Variants in GSK3A observed in about 807,000 individuals in gnomAD.
GSK3A encodes glycogen synthase kinase-3 alpha.
GSK3A carries 14 observed loss-of-function variants against 56.6 expected under a neutral mutation model. That is an observed-to-expected ratio of 0.25 (90% CI 0.16 to 0.39). GSK3A has a LOEUF of 0.39. Among genes scored for constraint, GSK3A ranks in the 10% least tolerant of loss-of-function variants. GSK3A has a pLI of 1.00. For synonymous variants in GSK3A, 301 were observed against 285.0 expected (o/e 1.06, Z -0.56); for missense variants, 450 against 656.0 (o/e 0.69, Z 3.43).
Position 42,232,134 on chromosome 19 carries a change from G to T in GSK3A, c.1301C>A (p.Pro434Gln). 1 of 1,602,218 alleles carries T rather than the reference G, an allele frequency of 6.2e-7. No individual in the cohort carries two copies. Among genetic ancestry groups the T allele is most frequent in the Non-Finnish European group, 8.5e-7 (1 of 1,169,782 alleles). The change falls in exon 10 of 11, where the codon CCG (proline) becomes CAG (glutamine). Residue 434 changes from proline (P) to glutamine (Q), a missense_variant. By Grantham distance (76) the Pro-to-Gln change is moderately conservative. Coordinates refer to ENST00000222330, the MANE Select transcript of GSK3A (RefSeq NM_019884.3). The stretch of plus-strand genomic sequence containing the variant: ...AGGGATGAGAATGGCGTTGAGAGAC[G>T]GTTGGATGGAGAGTTCTAGAAACAG... ...NFSAGELSIQ[P>Q]SLNAILIPPH...
At chr19:42,239,756 C>T (rs1364109343) in intron 2 of GSK3A, among the ~76,000 whole-genome samples, 199 bp downstream of exon 2, 2 of 152,200 alleles carry the variant, frequency 1.3e-5, no homozygotes, top group African/African-American at 2.4e-5. Flanking sequence ...TAAGCACTTA[C>T]ATTGAGCAAA....
chr19:42,230,362 G>C lies in GSK3A; in HGVS notation c.*432C>G. On this transcript the variant is annotated 3_prime_UTR_variant, in exon 11 of 11. Transcript: ENST00000222330. ...GAGTTACAGCTGTAGGAGGGGCGGG[G>C]CCAGGTTGGACGGTGCGAATCGACG... The C allele has an allele frequency of 5.5e-6, 1 of 182,564 alleles. No homozygotes were observed. Among genetic ancestry groups the C allele is most frequent in the Non-Finnish European group, 1.2e-5 (1 of 85,362 alleles). The allele number at this position is 182,564 out of a possible 1,614,324, so 11.3% of individuals were successfully genotyped here. A position where few individuals can be genotyped will look rare whatever the true frequency, so the allele number is the denominator to read the frequency against.
chr19:42,242,038 C>G (rs12982923), intron 1 of GSK3A, 145 bp downstream of exon 1: 31 of 631,218 alleles, frequency 4.9e-5, no homozygotes, highest in Middle Eastern at 9.3e-4. Context: ...ACTCCTTTTC[C>G]TGGGAGGAAG....
chr19:42,234,481 G>C lies in GSK3A; in HGVS notation c.798-22C>G, dbSNP rs780218834. 1 of 1,613,596 alleles carries C rather than the reference G, an allele frequency of 6.2e-7. No individual in the cohort carries two copies. On this transcript the variant is annotated intron_variant, in intron 5 of 10. Transcript: ENST00000222330. This position sits in a 1 kb window ranked among gnomAD's most constrained non-coding sequence, Gnocchi z 5.7. The stretch of plus-strand genomic sequence containing the variant: ...TGCACTGTGGGAAGAGATGGGCAGG[G>C]GTACACGTGAGGCAAGGGTTGGGGT...
At chr19:42,241,955 T>G in intron 1 of GSK3A, 1 of 397,080 alleles carries the variant, frequency 2.5e-6, no homozygotes, top group Non-Finnish European at 4.4e-6. Context: ...CAGAGACTTG[T>G]AACCCGTTTC....
At chr19:42,236,773 G>A (rs2036260004) in intron 3 of GSK3A, 57 bp from the exon 4 acceptor site, 1 of 1,507,124 alleles carries the variant, frequency 6.6e-7, no homozygotes, top group South Asian at 1.1e-5. Flanking sequence ...GAGGGGGAAG[G>A]AAGGTATGCA....
rs897602613 is a variant in GSK3A, at chr19:42,230,543, G to A, written c.*251C>T. On this transcript the variant is annotated 3_prime_UTR_variant, in exon 11 of 11. Coordinates refer to ENST00000222330, the MANE Select transcript of GSK3A (RefSeq NM_019884.3). Reference sequence around the variant, plus strand: ...TGGGGGAGGGGAGGGGGCCAAGGGGGTAGGAGGTCCTCATCCCCCCAACAC... The same window carrying A: ...TGGGGGAGGGGAGGGGGCCAAGGGGATAGGAGGTCCTCATCCCCCCAACAC... 31 of 547,438 alleles carry A rather than the reference G, an allele frequency of 5.7e-5. No individual in the cohort carries two copies. In the Middle Eastern group the frequency reaches 1.5e-3, roughly 26 times the overall value. The allele number at this position is 547,438 out of a possible 1,614,324, so 33.9% of individuals were successfully genotyped here.
rs2036242260 is a variant in GSK3A, at chr19:42,234,170, G to A, written c.904+183C>T. 6.6e-6 allele frequency among the ~76,000 whole-genome samples: 1 copy of A among 152,144 alleles called. No homozygotes were observed. The highest frequency in any genetic ancestry group is 2.4e-5 in the African/African-American group (1 of 41,418). On this transcript the variant is annotated intron_variant, in intron 6 of 10. Transcript: ENST00000222330. The surrounding 1 kb of genome is among the most constrained non-coding windows in gnomAD (Gnocchi z 5.7). The stretch of plus-strand genomic sequence containing the variant: ...CCTAGTGGTGCCAGTGCGGGCAGGC[G>A]GCCTCACAGCTCTAAGCTCATCTGT...
At position 42,232,693 on chromosome 19, in the gene GSK3A, G is replaced by A. The variant is rs201243741; in HGVS notation, c.1099-11C>T. The A allele has an allele frequency of 3.3e-5, 51 of 1,553,212 alleles. No homozygotes were observed. Among genetic ancestry groups the A allele is most frequent in the Non-Finnish European group, 4.2e-5 (48 of 1,145,430 alleles). ...TCGAGATTTGAACACCTGAGGGATG[G>A]GTGCAGGGCTCATGAGGGTGAGATG... On this transcript the variant is annotated splice_polypyrimidine_tract_variant and intron_variant, in intron 8 of 10. Coordinates refer to ENST00000222330, the MANE Select transcript of GSK3A (RefSeq NM_019884.3).
rs1266667053 is a variant in GSK3A at position 42,242,258 on chromosome 19, C to T, written c.208G>A (p.Gly70Ser). 2 of 1,434,032 alleles carry T rather than the reference C, an allele frequency of 1.4e-6. No homozygotes were observed. The highest frequency in any genetic ancestry group is 3.0e-5 in the East Asian group (1 of 33,000). The allele number at this position is 1,434,032 out of a possible 1,614,324, so 88.8% of individuals were successfully genotyped here. Reference protein sequence around the residue: ...VGASSSGGGPGGSGGGGSGGP... With the variant: ...VGASSSGGGPSGSGGGGSGGP... ...CCGCTGCCTCCTCCGCCGCTGCCGC[C>T]GGGTCCACCCCCGGAGCTCGAGGCC... Residue 70 changes from glycine (G) to serine (S), a missense_variant, in exon 1 of 11, where the codon GGC becomes AGC. Transcript: ENST00000222330.
chr19:42,240,053 T>C lies in GSK3A; in HGVS notation c.373A>G (p.Ile125Val), dbSNP rs1472502410. The change falls in exon 2 of 11, where the codon ATT becomes GTT. Residue 125 changes from isoleucine (I) to valine (V), a missense_variant. Ile to Val is a conservative substitution (Grantham distance 29, BLOSUM62 3). Transcript: ENST00000222330. Reference protein sequence around the residue: ...QEVAYTDIKVIGNGSFGVVYQ... With the variant: ...QEVAYTDIKVVGNGSFGVVYQ... ...ACGACCCCAAATGAGCCATTGCCAA[T>C]CACTTTGATGTCCGTGTAAGCCACT... The C allele has an allele frequency of 6.2e-7, 1 of 1,614,186 alleles. No individual in the cohort carries two copies. Among genetic ancestry groups the C allele is most frequent in the Admixed American group, 1.7e-5 (1 of 60,020 alleles).
chr19:42,231,810 C>T (rs1313137806), intron 10 of GSK3A, among the ~76,000 whole-genome samples: 1 of 151,534 alleles, frequency 6.6e-6, no homozygotes, highest in Non-Finnish European at 1.5e-5. Context: ...ACGAATTCAA[C>T]TTTTTGTTTG....
At chr19:42,232,003 C>A in intron 10 of GSK3A, 54 bp downstream of exon 10, 1 of 986,606 alleles carries the variant, frequency 1.0e-6, no homozygotes. Context: ...CGAACAGCCC[C>A]ACCCTCTCCA....
intron 2 of GSK3A, among the ~76,000 whole-genome samples, chr19:42,237,945 A>T (rs573037279): frequency 6.6e-6 from 1 of 151,844 alleles, no homozygotes; most frequent in Admixed American, 6.6e-5. Context: ...GAACCTGGCT[A>T]TGTTGGCCAG....
chr19:42,232,649 C>T lies in GSK3A; in HGVS notation c.1132G>A (p.Ala378Thr), dbSNP rs758365091. The change falls in exon 9 of 11, where the codon GCG becomes ACG. Residue 378 changes from alanine (A) to threonine (T), a missense_variant. By Grantham distance (58) the Ala-to-Thr change is moderately conservative (BLOSUM62 0). Transcript: ENST00000222330. ...FKSRTPPEAI[A>T]LCSSLLEYTP... ...TACTCCAGCAGGCTAGAGCAGAGCG[C>T]GATGGCCTCTGGCGGCGTTCGAGAT... 24 of 1,600,390 alleles carry T rather than the reference C, an allele frequency of 1.5e-5. No homozygotes were observed. The Middle Eastern group carries it at 5.0e-4, about 33-fold the overall frequency.
Position 42,234,001 on chromosome 19 carries a change from T to C in GSK3A, c.904+352A>G, listed in dbSNP as rs967223911. ...GCCCTGGGAGCAAGTTGCACCTTCA[T>C]GGTGGCAAAGCCTTGCTTCCCGGTT... On this transcript the variant is annotated intron_variant, in intron 6 of 10. Coordinates refer to ENST00000222330, the MANE Select transcript of GSK3A (RefSeq NM_019884.3). This position sits in a 1 kb window ranked among gnomAD's most constrained non-coding sequence, Gnocchi z 5.7. 6.6e-6 allele frequency among the ~76,000 whole-genome samples: 1 copy of C among 152,018 alleles called. No homozygotes were observed. Among genetic ancestry groups the C allele is most frequent in the African/African-American group, 2.4e-5 (1 of 41,378 alleles).
chr19:42,233,267 GCCC>G lies in GSK3A; in HGVS notation c.1002+16_1002+18del. 1.8e-6 allele frequency: 1 copy of G among 544,666 alleles called. No individual in the cohort carries two copies. The highest frequency in any genetic ancestry group is 3.3e-6 in the Non-Finnish European group (1 of 306,736). 33.7% of individuals were successfully genotyped at this position (544,666 alleles called of 1,614,324 possible). A position where few individuals can be genotyped will look rare whatever the true frequency, so the allele number is the denominator to read the frequency against. On this transcript the variant is annotated intron_variant, in intron 7 of 10. Transcript: ENST00000222330. ...ATCCCTCAGCCCCACCCCCTGCCCA[GCCC>G]AGCCCCGCCCCTCACCTTGATGATC...
chr19:42,238,051 T>C (rs550536102), intron 2 of GSK3A, among the ~76,000 whole-genome samples: 1 of 151,642 alleles, frequency 6.6e-6, no homozygotes, highest in South Asian at 2.1e-4. Flanking sequence ...AGCCTTAAAA[T>C]AAAAATAAAA....
chr19:42,233,265 CAGCCCAG>C lies in GSK3A; in HGVS notation c.1002+14_1002+20del, dbSNP rs1176676648. 4.7e-5 allele frequency: 70 copies of C among 1,474,152 alleles called. No individual in the cohort carries two copies. The highest frequency in any genetic ancestry group is 6.1e-5 in the Non-Finnish European group (65 of 1,064,598). The allele number at this position is 1,474,152 out of a possible 1,614,324, so 91.3% of individuals were successfully genotyped here. ...CCATCCCTCAGCCCCACCCCCTGCC[CAGCCCAG>C]CCCCGCCCCTCACCTTGATGATCTC... On this transcript the variant is annotated intron_variant, in intron 7 of 10. Transcript: ENST00000222330.
Sources: gnomAD v4.1 joint callset for allele counts (sites outside exome capture counted in the v4.1 genomes callset) on GRCh38, gnomAD v4.1.1 for gene constraint, Gnocchi (gnomAD v3.1) non-coding constraint, MANE v1.5 for transcripts, NCBI Gene and HGNC (gene_info 2026-07-23, HGNC 2026-07-21) for gene names.